Variants in CNOT10 observed in about 807,000 individuals in gnomAD.
CNOT10 encodes the protein CCR4-NOT transcription complex subunit 10.
A neutral mutation model predicts 94.6 loss-of-function variants in CNOT10; 30 were observed. That is an observed-to-expected ratio of 0.32 (90% confidence interval 0.24 to 0.43). CNOT10 has a LOEUF of 0.43. CNOT10 is among the 20% of genes least tolerant of loss of function. The probability of loss-of-function intolerance (pLI) is 1.00; values close to 1 mark genes in which losing one functional copy is unlikely to be tolerated. For missense variants in CNOT10, 759 were observed against 877.2 expected, an observed-to-expected ratio of 0.87 and a Z score of 1.70; for synonymous variants, 289 against 301.6, an observed-to-expected ratio of 0.96 and a Z score of 0.43.
intron 1 of CNOT10, among the ~76,000 whole-genome samples, chr3:32,688,818 G>A (rs1416987894): frequency 2.6e-5 from 4 of 152,060 alleles, no homozygotes; most frequent in African/African-American, 9.7e-5. Context: ...GGGAGGCTGA[G>A]GTGGGAGGAT....
At chr3:32,710,231 A>G (rs955603582) in intron 4 of CNOT10, among the ~76,000 whole-genome samples, 5 of 150,654 alleles carry the variant, frequency 3.3e-5, no homozygotes, top group African/African-American at 1.2e-4. Context: ...GAATATATTA[A>G]TAGTAATCAA....
chr3:32,702,873 C>G (rs1697419246), intron 1 of CNOT10, among the ~76,000 whole-genome samples: 1 of 151,186 alleles, frequency 6.6e-6, no homozygotes, highest in African/African-American at 2.4e-5. Context: ...AGAGGAGTAG[C>G]TTCTTATTAG....
chr3:32,754,346 G>GCA (rs1700103559), intron 13 of CNOT10, among the ~76,000 whole-genome samples: 1 of 144,780 alleles, frequency 6.9e-6, no homozygotes, highest in African/African-American at 2.6e-5. Context: ...GCATGGTGGC[G>GCA]GGCACCTGTA....
intron 14 of CNOT10, among the ~76,000 whole-genome samples, chr3:32,761,767 G>A (rs1700456999): frequency 6.8e-6 from 1 of 146,828 alleles, no homozygotes; most frequent in Non-Finnish European, 1.5e-5. Flanking sequence ...GAGTTTCACA[G>A]GCATGAGCCA....
rs1700591475 is a variant in CNOT10, at chr3:32,764,690, C to T, written c.1885C>T (p.Arg629Trp). The T allele has an allele frequency of 2.5e-6, 4 of 1,613,698 alleles. No homozygotes were observed. The highest frequency in any genetic ancestry group is 2.2e-5 in the East Asian group (1 of 44,868). ...ACACTCTTTTTCCCCAGCTGGTAAG[C>T]GGGCCCCTCAGTGCTACCCCAGTTC... Reference protein sequence around the residue: ...ENEAMESSGKRAPQCYPSSVN... With the variant: ...ENEAMESSGKWAPQCYPSSVN... The change falls in exon 17 of 19, where the codon CGG (arginine) becomes TGG (tryptophan). Residue 629 changes from arginine (R) to tryptophan (W), a missense_variant. This residue lies in a region of CNOT10 where 682 missense variants were observed against 799.4 expected (regional missense o/e 0.85). Coordinates refer to ENST00000328834, the MANE Select transcript of CNOT10 (RefSeq NM_015442.3).
At chr3:32,716,016 A>G in intron 5 of CNOT10, 2 of 399,606 alleles carry the variant, frequency 5.0e-6, no homozygotes, top group South Asian at 1.4e-4. Flanking sequence ...CATGTTACTC[A>G]AGCTGGTCTC....
chr3:32,756,323 CTGTTTTGATTTAGAA>C (rs1295717900), intron 13 of CNOT10, among the ~76,000 whole-genome samples: 2 of 152,136 alleles, frequency 1.3e-5, no homozygotes, highest in African/African-American at 4.8e-5. Context: ...GTCTTTTACC[CTGTTTTGATTTAGAA>C]TTTGAAGAAA....
At chr3:32,724,586 G>A (rs890219933) in intron 8 of CNOT10, among the ~76,000 whole-genome samples, 38 of 152,094 alleles carry the variant, frequency 2.5e-4, no homozygotes, top group Non-Finnish European at 4.7e-4. Context: ...CTAATTTTTT[G>A]TATTTTTAGT....
chr3:32,732,889 G>C (rs150501779), intron 10 of CNOT10, among the ~76,000 whole-genome samples: 2 of 152,110 alleles, frequency 1.3e-5, no homozygotes, highest in Non-Finnish European at 2.9e-5. Flanking sequence ...TATTCATTTG[G>C]TTTGGGGATT....
At chr3:32,757,170 ATT>A (rs1173513009) in intron 13 of CNOT10, among the ~76,000 whole-genome samples, 53 of 78,294 alleles carry the variant, frequency 6.8e-4, no homozygotes, top group African/African-American at 2.9e-3. Flanking sequence ...CCCTGAACTA[ATT>A]TTTTTTTTTT....
At chr3:32,689,707 C>A (rs1259990380) in intron 1 of CNOT10, among the ~76,000 whole-genome samples, 1 of 152,082 alleles carries the variant, frequency 6.6e-6, no homozygotes. Context: ...GATGCTCACA[C>A]CTGTGGGAGG....
At chr3:32,726,552 C>T (rs192121474) in intron 9 of CNOT10, among the ~76,000 whole-genome samples, 3 of 151,656 alleles carry the variant, frequency 2.0e-5, no homozygotes, top group African/African-American at 4.8e-5. Context: ...AAAAATTAGC[C>T]GAGCATGGTG....
intron 13 of CNOT10, chr3:32,752,900 G>A: frequency 2.7e-6 from 1 of 372,326 alleles, no homozygotes; most frequent in Non-Finnish European, 5.2e-6. Context: ...CAGCAGCAGT[G>A]ACTACGAGGA....
At chr3:32,690,444 G>T (rs964716141) in intron 1 of CNOT10, among the ~76,000 whole-genome samples, 1 of 152,082 alleles carries the variant, frequency 6.6e-6, no homozygotes, top group Admixed American at 6.6e-5. Flanking sequence ...GTGTGCAGTG[G>T]CACCATCATA....
At chr3:32,690,304 T>G (rs1696793918) in intron 1 of CNOT10, among the ~76,000 whole-genome samples, 1 of 152,110 alleles carries the variant, frequency 6.6e-6, no homozygotes, top group Non-Finnish European at 1.5e-5. Flanking sequence ...GCGTGTAGAA[T>G]GAGAACGATG....
Position 32,762,813 on chromosome 3 carries a change from A to G in CNOT10, c.1790A>G (p.Glu597Gly), listed in dbSNP as rs1700507650. Residue 597 changes from glutamate to glycine, a missense_variant, in exon 15 of 19, where the codon GAG becomes GGG. Around this residue, in one of 3 missense-constraint regions of CNOT10, gnomAD observed 682 missense variants for 799.4 expected, o/e 0.85. Coordinates refer to ENST00000328834, the MANE Select transcript of CNOT10 (RefSeq NM_015442.3). Reference protein sequence around the residue: ...ISDAITHLNPENVTDVSLGIS... With the variant: ...ISDAITHLNPGNVTDVSLGIS... Reference sequence around the variant, plus strand: ...GATGCCATTACTCACTTGAACCCGGAGAATGTCACTGATGTCTCCTTAGGG... The same window carrying G: ...GATGCCATTACTCACTTGAACCCGGGGAATGTCACTGATGTCTCCTTAGGG... 4 of 1,585,272 alleles carry G rather than the reference A, an allele frequency of 2.5e-6. No individual in the cohort carries two copies. The highest frequency in any genetic ancestry group is 3.4e-6 in the Non-Finnish European group (4 of 1,171,818).
chr3:32,704,168 T>C (rs1697503543), intron 2 of CNOT10, among the ~76,000 whole-genome samples: 1 of 152,216 alleles, frequency 6.6e-6, no homozygotes, highest in African/African-American at 2.4e-5. Context: ...ATTCCCAAGT[T>C]TTTGTAAACA....
intron 14 of CNOT10, among the ~76,000 whole-genome samples, chr3:32,760,862 C>G (rs545937758): frequency 5.9e-5 from 9 of 151,768 alleles, no homozygotes; most frequent in Non-Finnish European, 1.2e-4. Context: ...GGCGCTGTGG[C>G]TCACACCTGT....
At chr3:32,733,636 T>A in intron 11 of CNOT10, 92 bp downstream of exon 11, 1 of 847,722 alleles carries the variant, frequency 1.2e-6, no homozygotes, top group Non-Finnish European at 1.7e-6. Context: ...GATTTATCAT[T>A]GCATAGGAGG....
Sources: allele counts gnomAD v4.1 joint callset (sites outside exome capture counted in the v4.1 genomes callset), GRCh38; gene constraint gnomAD v4.1.1; regional missense constraint gnomAD v4.1.1; transcripts MANE v1.5; gene names NCBI Gene and HGNC (gene_info 2026-07-23, HGNC 2026-07-21).